Variants in LRMDA observed in about 807,000 individuals in gnomAD.
LRMDA encodes leucine rich melanocyte differentiation associated.
In LRMDA, 18 loss-of-function variants were observed where a neutral mutation model predicts 29.8. The ratio of observed to expected loss-of-function variants is 0.60; its 90% CI spans 0.42 to 0.90. LRMDA has a LOEUF of 0.90. LRMDA is among the 40% of genes least tolerant of loss of function. The pLI is 0.00. For synonymous variants in LRMDA, 125 were observed against 109.4 expected (o/e 1.14, Z -0.89); for missense variants, 273 against 273.9 (o/e 1.00, Z 0.02).
chr10:76,462,032 G>A (rs1842516925), intron 6 of LRMDA, among the ~76,000 whole-genome samples: 1 of 142,290 alleles, frequency 7.0e-6, no homozygotes, highest in Non-Finnish European at 1.5e-5. Context: ...TTGTGCCAGA[G>A]TGAGGACCAC....
chr10:75,466,213 G>T (rs1844648762), intron 2 of LRMDA, among the ~76,000 whole-genome samples: 1 of 152,228 alleles, frequency 6.6e-6, no homozygotes, highest in Non-Finnish European at 1.5e-5. Context: ...TTGGTTGGTG[G>T]TGACTTTGAA....
intron 6 of LRMDA, among the ~76,000 whole-genome samples, chr10:76,524,179 G>T (rs1843150598): frequency 6.6e-6 from 1 of 152,132 alleles, no homozygotes. Context: ...ATGTTTAATG[G>T]ACTAAATATT....
At chr10:75,544,552 G>A (rs957307227) in intron 2 of LRMDA, among the ~76,000 whole-genome samples, 5 of 152,124 alleles carry the variant, frequency 3.3e-5, no homozygotes, top group Non-Finnish European at 1.5e-5. Flanking sequence ...AGAGAGGAAG[G>A]TACTGCCTCT....
rs1213786021 is a variant in LRMDA at position 76,363,219 on chromosome 10, GAA to G, written c.601+38736_601+38737del. On this transcript the variant is annotated intron_variant, in intron 6 of 6. Transcript: ENST00000611255. The stretch of plus-strand genomic sequence containing the variant: ...GAGGGAGGGAGGGAGGGAAGGAAGA[GAA>G]AGAAAGAAAGAAAGAAAGAAAGAAA... 1.1e-3 allele frequency among the ~76,000 whole-genome samples: 12 copies of G among 11,120 alleles called. 1 individual carries two copies. Among genetic ancestry groups the G allele is most frequent in the Middle Eastern group, 0.05 (1 of 20 alleles). 7.3% of individuals were successfully genotyped at this position (11,120 alleles called of 152,430 possible).
chr10:75,673,653 T>A (rs1333425705), intron 2 of LRMDA, among the ~76,000 whole-genome samples: 1 of 152,174 alleles, frequency 6.6e-6, no homozygotes, highest in African/African-American at 2.4e-5. Context: ...TGAGCAGAAA[T>A]GTGAAGCCAG....
intron 2 of LRMDA, among the ~76,000 whole-genome samples, chr10:75,849,846 T>A (rs1230231620): frequency 6.6e-6 from 1 of 152,216 alleles, no homozygotes; most frequent in African/African-American, 2.4e-5. Context: ...CAGTGTCAAA[T>A]TTTTACACAT....
chr10:76,188,982 T>G (rs1404717641), intron 5 of LRMDA, among the ~76,000 whole-genome samples: 1 of 149,690 alleles, frequency 6.7e-6, no homozygotes, highest in Non-Finnish European at 1.5e-5. Flanking sequence ...TTCTGTTTAT[T>G]AAGTAGTTAG....
intron 6 of LRMDA, among the ~76,000 whole-genome samples, chr10:76,414,080 G>A (rs547491503): frequency 4.7e-4 from 71 of 152,294 alleles, no homozygotes; most frequent in African/African-American, 1.6e-3. Flanking sequence ...GCACTAGGTT[G>A]TACTTGGAGG....
At chr10:76,328,093 T>C (rs1318485403) in intron 6 of LRMDA, among the ~76,000 whole-genome samples, 1 of 152,240 alleles carries the variant, frequency 6.6e-6, no homozygotes. Context: ...CTGAGAATGC[T>C]GCCCTGGGTT....
At chr10:76,493,882 A>T (rs750659019) in intron 6 of LRMDA, among the ~76,000 whole-genome samples, 1 of 152,002 alleles carries the variant, frequency 6.6e-6, no homozygotes, top group African/African-American at 2.4e-5. Flanking sequence ...TTGTTTTTAG[A>T]TTTATTTCTC....
chr10:75,901,888 C>G (rs1845679939), intron 2 of LRMDA, among the ~76,000 whole-genome samples: 1 of 152,074 alleles, frequency 6.6e-6, no homozygotes, highest in African/African-American at 2.4e-5. Context: ...CTTCGCTCCC[C>G]AAGTCATCAA....
intron 2 of LRMDA, among the ~76,000 whole-genome samples, chr10:76,009,997 C>T (rs913826977): frequency 6.6e-5 from 10 of 152,144 alleles, no homozygotes; most frequent in South Asian, 2.1e-4. Flanking sequence ...CTCCCCCACC[C>T]GCCTTCTCTC....
intron 2 of LRMDA, among the ~76,000 whole-genome samples, chr10:75,812,061 T>C (rs931052434): frequency 2.0e-5 from 3 of 151,444 alleles, no homozygotes; most frequent in African/African-American, 7.3e-5. Context: ...TAAAAGTCGA[T>C]GATGACCTTT....
intron 2 of LRMDA, among the ~76,000 whole-genome samples, chr10:75,765,312 G>A (rs1352532949): frequency 3.9e-5 from 6 of 151,920 alleles, no homozygotes; most frequent in South Asian, 2.1e-4. Flanking sequence ...GCTGTTTTGT[G>A]TGGAGTTAAC....
chr10:76,241,503 T>C (rs1054585385), intron 5 of LRMDA, among the ~76,000 whole-genome samples: 10 of 152,334 alleles, frequency 6.6e-5, no homozygotes, highest in African/African-American at 9.6e-5. Context: ...TTCTTCCATA[T>C]AGTAATTGCT....
chr10:76,456,162 A>G (rs1171541534), intron 6 of LRMDA, among the ~76,000 whole-genome samples: 1 of 152,188 alleles, frequency 6.6e-6, no homozygotes, highest in Non-Finnish European at 1.5e-5. Flanking sequence ...AGGAACAACA[A>G]ATAGCCAGAT....
At chr10:76,252,194 C>T (rs1852497885) in intron 5 of LRMDA, among the ~76,000 whole-genome samples, 1 of 152,096 alleles carries the variant, frequency 6.6e-6, no homozygotes, top group African/African-American at 2.4e-5. Context: ...GGAGGCCAAC[C>T]GGGAGAAGGA....
intron 6 of LRMDA, among the ~76,000 whole-genome samples, chr10:76,378,859 T>TA: frequency 3.0e-4 from 1 of 3,320 alleles, no homozygotes; most frequent in Admixed American, 1.6e-3. Flanking sequence ...TTTTTTTTTC[T>TA]TTTTTTTTTT....
intron 5 of LRMDA, among the ~76,000 whole-genome samples, chr10:76,084,712 G>C (rs1045707142): frequency 1.3e-5 from 2 of 152,098 alleles, no homozygotes; most frequent in Admixed American, 6.6e-5. Context: ...TAGTAGGTTA[G>C]TAAAAATTAG....
Sources: gnomAD v4.1 joint callset for allele counts (sites outside exome capture counted in the v4.1 genomes callset) on GRCh38, gnomAD v4.1.1 for gene constraint, MANE v1.5 for transcripts, NCBI Gene and HGNC (gene_info 2026-07-23, HGNC 2026-07-21) for gene names.